The following PITRM1 variants were observed in gnomAD, a reference collection of about 807,000 sequenced individuals.
PITRM1 encodes pitrilysin metallopeptidase 1.
PITRM1 carries 100 observed loss-of-function variants against 129.9 expected under a neutral mutation model. The observed-to-expected ratio is 0.77, with a 90% CI of 0.65 to 0.91. The LOEUF (loss-of-function observed/expected upper bound fraction) is 0.91. Ranked by LOEUF, PITRM1 falls within the 40% of genes least tolerant of loss-of-function variation. The pLI is 0.00. For synonymous variants in PITRM1, 591 were observed against 508.8 expected, an observed-to-expected ratio of 1.16 and a Z score of -2.17; for missense variants, 1,471 against 1,318.3, an observed-to-expected ratio of 1.12 and a Z score of -1.79.
At chr10:3,157,182 G>T in intron 12 of PITRM1, 118 bp from the exon 13 acceptor site, 3 of 964,894 alleles carry the variant, frequency 3.1e-6, no homozygotes, top group Non-Finnish European at 3.0e-6. Context: ...ACAGATGATT[G>T]TTTATAACAA....
In PITRM1 at chr10:3,155,648, G is replaced by A. The variant is rs1268936702; in HGVS notation, c.1564C>T (p.Leu522Phe). ...EKQAQVEATK[L>F]KQKVEALSPG... is the part of the protein sequence containing the mutation. ...GACAGAGCCTCGACCTTCTGCTTGA[G>A]CTTCGTGGCTTCCACCTGTGCCTGC... The change falls in exon 14 of 27, where the codon CTC (leucine) becomes TTC (phenylalanine). Residue 522 changes from leucine (L) to phenylalanine (F), a missense_variant. By Grantham distance (22) the Leu-to-Phe change is conservative (BLOSUM62 0). Transcript: ENST00000224949. 1 of 1,613,894 alleles carries A rather than the reference G, an allele frequency of 6.2e-7. No homozygotes were observed. Among genetic ancestry groups the A allele is most frequent in the Non-Finnish European group, 8.5e-7 (1 of 1,179,878 alleles).
chr10:3,152,332 G>A (rs576125415), intron 14 of PITRM1, among the ~76,000 whole-genome samples: 9 of 152,074 alleles, frequency 5.9e-5, no homozygotes, highest in Non-Finnish European at 1.0e-4. Context: ...ATGATTCCAC[G>A]ACTCCCGGGG....
At position 3,163,862 on chromosome 10, in the gene PITRM1, G is replaced by A. The variant is rs1370814407; in HGVS notation, c.654C>T (p.Ser218=). The change falls in exon 7 of 27, where the codon TCC becomes TCT. Residue 218 remains serine (S), a synonymous_variant. Coordinates refer to ENST00000224949, the MANE Select transcript of PITRM1 (RefSeq NM_014889.4). ...GAFTDNERIF[S]QHLQNRLLPD... ...GAAGAAGTCTGTTCTGAAGGTGCTG[G>A]GAGAATATCCTCTCATTGTCTGTCT... The A allele has an allele frequency of 5.0e-6, 8 of 1,606,006 alleles. No individual in the cohort carries two copies. Among genetic ancestry groups the A allele is most frequent in the East Asian group, 2.2e-5 (1 of 44,690 alleles).
At chr10:3,139,144 G>A (rs1839927949) in intron 24 of PITRM1, 95 bp from the exon 25 acceptor site, 7 of 1,005,442 alleles carry the variant, frequency 7.0e-6, no homozygotes, top group Non-Finnish European at 9.1e-6. Context: ...ATCTTCTATG[G>A]GTTAACAGCT....
chr10:3,163,547 T>C (rs1035034023), intron 7 of PITRM1, 178 bp downstream of exon 7: 9 of 539,014 alleles, frequency 1.7e-5, no homozygotes, highest in African/African-American at 1.6e-4. Flanking sequence ...GCTATCATTG[T>C]AAATGTCCAA....
In PITRM1 at chr10:3,167,024, G is replaced by T; in HGVS notation, c.178C>A (p.Leu60Met). Residue 60 changes from leucine to methionine, a missense_variant, in exon 3 of 27, where the codon CTG becomes ATG. Transcript: ENST00000224949. Reference protein sequence around the residue: ...TVNQVTSVPELFLTAVKLTHD... With the variant: ...TVNQVTSVPEMFLTAVKLTHD... ...GTGAGCTTCACTGCAGTCAGGAACA[G>T]CTCGGGAACAGATGTCACCTGAGTT... 6.2e-7 allele frequency: 1 copy of T among 1,606,538 alleles called. No homozygotes were observed. Among genetic ancestry groups the T allele is most frequent in the South Asian group, 1.1e-5 (1 of 89,664 alleles).
At chr10:3,172,108 G>C (rs1843421384) in intron 1 of PITRM1, 1 of 446,948 alleles carries the variant, frequency 2.2e-6, no homozygotes, top group Admixed American at 2.5e-5. Context: ...ACTCCTGAGC[G>C]GTAAGGCCAG....
intron 7 of PITRM1, 51 bp from the exon 8 acceptor site, chr10:3,160,381 G>A: frequency 2.1e-6 from 3 of 1,447,716 alleles, no homozygotes; most frequent in African/African-American, 1.4e-5. Context: ...AAAGATGTGA[G>A]ATCAAGTGCT....
chr10:3,161,841 C>G (rs1197658171), intron 7 of PITRM1, among the ~76,000 whole-genome samples: 2 of 123,732 alleles, frequency 1.6e-5, no homozygotes. Flanking sequence ...AAAAACAAAA[C>G]AAGACTGGGG....
In PITRM1 at chr10:3,138,247, G is replaced by A; in HGVS notation, c.3008C>T (p.Ala1003Val). Residue 1003 changes from alanine (A) to valine (V), a missense_variant, in exon 26 of 27, where the codon GCC becomes GTC. Coordinates refer to ENST00000224949, the MANE Select transcript of PITRM1 (RefSeq NM_014889.4). ...GCTCCCCACTCACCTATCGCTCACGGCCAGGAGCTTGTCGTGGCTGACAGC... is the reference window on the plus strand; with the variant it reads ...GCTCCCCACTCACCTATCGCTCACGACCAGGAGCTTGTCGTGGCTGACAGC... ...LFAVSHDKLL[A>V]VSDRYLGTGK... The A allele has an allele frequency of 6.2e-7, 1 of 1,612,610 alleles. No homozygotes were observed. The highest frequency in any genetic ancestry group is 1.3e-5 in the African/African-American group (1 of 75,010).
chr10:3,144,079 G>T, intron 22 of PITRM1: 1 of 594,040 alleles, frequency 1.7e-6, no homozygotes, highest in Non-Finnish European at 3.0e-6. Flanking sequence ...CTCGGCACAG[G>T]AGGACACACC....
chr10:3,152,271 C>T (rs1310997156), intron 14 of PITRM1, among the ~76,000 whole-genome samples: 2 of 152,186 alleles, frequency 1.3e-5, no homozygotes, highest in African/African-American at 2.4e-5. Flanking sequence ...TGATGGCCAT[C>T]AGTGAAGCGG....
chr10:3,139,072 C>T (rs191842067), intron 24 of PITRM1, 23 bp from the exon 25 acceptor site: 55 of 1,609,978 alleles, frequency 3.4e-5, no homozygotes, highest in African/African-American at 3.2e-4. Flanking sequence ...GAGAAATAAA[C>T]GGGCAAGCAT....
Position 3,160,344 on chromosome 10 carries a change from G to A in PITRM1, c.792-14C>T, listed in dbSNP as rs1452615712. 6 of 1,591,642 alleles carry A rather than the reference G, an allele frequency of 3.8e-6. No individual in the cohort carries two copies. The highest frequency in any genetic ancestry group is 3.3e-4 in the Middle Eastern group (2 of 6,016). On this transcript the variant is annotated splice_polypyrimidine_tract_variant and intron_variant, in intron 7 of 26. Transcript: ENST00000224949. Reference sequence around the variant, plus strand: ...TACGTGAAGAACCTAAAATTTTAAGGGAATATAATTAGTCTGTTTTAGTTT... The same window carrying A: ...TACGTGAAGAACCTAAAATTTTAAGAGAATATAATTAGTCTGTTTTAGTTT...
chr10:3,172,617 C>T (rs539255042), intron 1 of PITRM1, 100 bp downstream of exon 1: 1 of 1,106,882 alleles, frequency 9.0e-7, no homozygotes, highest in Admixed American at 3.1e-5. Context: ...GAGCTGCCAG[C>T]CCCGGGCGCA....
chr10:3,138,787 G>T (rs765039215), intron 25 of PITRM1, 117 bp downstream of exon 25: 2 of 950,724 alleles, frequency 2.1e-6, no homozygotes, highest in Non-Finnish European at 3.5e-6. Flanking sequence ...CGTATCACAA[G>T]CAAGGATGGA....
Position 3,167,033 on chromosome 10 carries a change from C to T in PITRM1, c.169G>A (p.Val57Ile). The change falls in exon 3 of 27, where the codon GTT (valine) becomes ATT (isoleucine). Residue 57 changes from valine (V) to isoleucine (I), a missense_variant. Transcript: ENST00000224949. ...HGFTVNQVTS[V>I]PELFLTAVKL... ...ACTGCAGTCAGGAACAGCTCGGGAA[C>T]AGATGTCACCTGAGTTAACAAGAAA... 6.2e-7 allele frequency: 1 copy of T among 1,600,616 alleles called. No individual in the cohort carries two copies. Among genetic ancestry groups the T allele is most frequent in the Non-Finnish European group, 8.5e-7 (1 of 1,172,098 alleles).
chr10:3,171,338 T>TGAA, intron 1 of PITRM1, among the ~76,000 whole-genome samples: 1 of 142,484 alleles, frequency 7.0e-6, no homozygotes, highest in African/African-American at 2.6e-5. Context: ...GGTAAAATAT[T>TGAA]AAAAAAAAAA....
At chr10:3,161,036 C>T (rs551868727) in intron 7 of PITRM1, among the ~76,000 whole-genome samples, 2 of 152,254 alleles carry the variant, frequency 1.3e-5, no homozygotes, top group African/African-American at 4.8e-5. Context: ...GCTGGAATTA[C>T]AGGCGTGAGC....
Sources: allele counts gnomAD v4.1 joint callset (sites outside exome capture counted in the v4.1 genomes callset), GRCh38; gene constraint gnomAD v4.1.1; transcripts MANE v1.5; gene names NCBI Gene and HGNC (gene_info 2026-07-23, HGNC 2026-07-21).